COLEC10: variants seen among roughly 807,000 people sequenced by gnomAD.
The protein encoded by COLEC10 is collectin subfamily member 10, also known as collectin-10.
COLEC10 carries 22 observed loss-of-function variants against 28.4 expected under a neutral mutation model. That is an observed-to-expected ratio of 0.78 (90% CI 0.55 to 1.11). The LOEUF is 1.11. Ranked by LOEUF, COLEC10 falls within the 50% of genes least tolerant of loss-of-function variation. The pLI is 0.00. For missense variants in COLEC10, 361 were observed against 344.1 expected (o/e 1.05, Z -0.39); for synonymous variants, 125 against 116.1 (o/e 1.08, Z -0.49).
chr8:119,108,140 G>GAT lies in COLEC10; in HGVS notation c.*1951_*1952dup, dbSNP rs1250436520. On this transcript the variant is annotated 3_prime_UTR_variant, in exon 6 of 6. Coordinates refer to ENST00000332843, the MANE Select transcript of COLEC10 (RefSeq NM_006438.5). ...GTTACTAGTTAAACTCTTTTGAGAT[G>GAT]ATAGTACATGACACTTTAAAGGCAG... Among the ~76,000 whole-genome samples the GAT allele has an allele frequency of 1.3e-5, 2 of 152,090 alleles. No homozygotes were observed. Among genetic ancestry groups the GAT allele is most frequent in the Admixed American group, 1.3e-4 (2 of 15,262 alleles).
chr8:118,964,752 C>G, the COLEC10 span, among the ~76,000 whole-genome samples: 4 of 152,124 alleles, frequency 2.6e-5, no homozygotes, highest in African/African-American at 7.2e-5. Context: ...CAGGAGTGAA[C>G]AAAGTCAGCC....
chr8:119,014,171 C>T (rs1433297813), intron 2 of COLEC10, among the ~76,000 whole-genome samples: 1 of 150,346 alleles, frequency 6.7e-6, no homozygotes, highest in Admixed American at 6.6e-5. Flanking sequence ...TGATGCTATT[C>T]CTTTATGTAG....
chr8:119,087,154 A>C (rs1815495945), intron 1 of COLEC10, among the ~76,000 whole-genome samples: 2 of 152,206 alleles, frequency 1.3e-5, no homozygotes, highest in South Asian at 4.1e-4. Context: ...AGAATGTCTT[A>C]TGGTTCACAC....
the COLEC10 span, among the ~76,000 whole-genome samples, chr8:118,957,781 C>A: frequency 0.067 from 10,261 of 152,182 alleles, 389 homozygotes; most frequent in East Asian, 0.13. Flanking sequence ...ACCTCACATA[C>A]CCATAATCTC....
chr8:119,031,502 A>G (rs892118915), intron 2 of COLEC10, among the ~76,000 whole-genome samples: 26 of 152,240 alleles, frequency 1.7e-4, no homozygotes, highest in African/African-American at 6.0e-4. Context: ...TTGAAGAACA[A>G]GTAGAAGTTA....
chr8:119,065,197 A>G (rs2130207010), upstream of COLEC10, among the ~76,000 whole-genome samples: 1 of 152,256 alleles, frequency 6.6e-6, no homozygotes, highest in South Asian at 2.1e-4. Context: ...TGTTAGGAGC[A>G]CGGCTGTACA....
intron 2 of COLEC10, among the ~76,000 whole-genome samples, chr8:119,049,618 G>A (rs1025972197): frequency 1.3e-5 from 2 of 151,866 alleles, no homozygotes; most frequent in Admixed American, 1.3e-4. Flanking sequence ...GTTTCACCGT[G>A]TTAGCCAGGA....
chr8:119,107,387 C>A lies in COLEC10; in HGVS notation c.*1196C>A, dbSNP rs1815968937. ...TTGAACTGTAGATCAAACCTCAAAGCAGCTTTCACTTGGAATTTAAAAATA... is the reference window on the plus strand; with the variant it reads ...TTGAACTGTAGATCAAACCTCAAAGAAGCTTTCACTTGGAATTTAAAAATA... On this transcript the variant is annotated 3_prime_UTR_variant, in exon 6 of 6. Transcript: ENST00000332843. 6.6e-6 allele frequency among the ~76,000 whole-genome samples: 1 copy of A among 152,154 alleles called. No homozygotes were observed. Among genetic ancestry groups the A allele is most frequent in the South Asian group, 2.1e-4 (1 of 4,830 alleles).
At chr8:119,006,164 C>A (rs552499580) in intron 1 of COLEC10, among the ~76,000 whole-genome samples, 8 of 152,160 alleles carry the variant, frequency 5.3e-5, no homozygotes, top group African/African-American at 1.9e-4. Context: ...TTTATGCTCA[C>A]AGGGTCCAGG....
chr8:119,037,218 A>G (rs955895867), intron 2 of COLEC10, among the ~76,000 whole-genome samples: 1 of 152,198 alleles, frequency 6.6e-6, no homozygotes, highest in Non-Finnish European at 1.5e-5. Context: ...TTTTGATACT[A>G]TAATATTTTG....
intron 2 of COLEC10, among the ~76,000 whole-genome samples, chr8:119,043,587 A>G (rs1050026880): frequency 7.9e-5 from 12 of 152,224 alleles, no homozygotes; most frequent in Admixed American, 6.5e-4. Context: ...TTCAATATAC[A>G]TAAACAATTT....
At chr8:118,991,167 A>C (rs967616787), upstream of COLEC10, among the ~76,000 whole-genome samples, 1 of 152,162 alleles carries the variant, frequency 6.6e-6, no homozygotes, top group African/African-American at 2.4e-5. Context: ...CACATATATC[A>C]TTTATGATCT....
intron 2 of COLEC10, among the ~76,000 whole-genome samples, chr8:119,011,942 T>G (rs1011731644): frequency 6.6e-6 from 1 of 150,808 alleles, no homozygotes; most frequent in Non-Finnish European, 1.5e-5. Flanking sequence ...CAGTATGTCT[T>G]TTATTTTTTC....
intron 2 of COLEC10, among the ~76,000 whole-genome samples, chr8:119,037,182 T>C (rs1182387077): frequency 6.6e-6 from 1 of 152,170 alleles, no homozygotes; most frequent in Non-Finnish European, 1.5e-5. Flanking sequence ...TCTTCATACA[T>C]CTCTAAGATC....
chr8:119,067,268 G>T lies in COLEC10; in HGVS notation c.-14G>T. 2 of 1,612,382 alleles carry T rather than the reference G, an allele frequency of 1.2e-6. No individual in the cohort carries two copies. Among genetic ancestry groups the T allele is most frequent in the Non-Finnish European group, 1.7e-6 (2 of 1,179,308 alleles). On this transcript the variant is annotated 5_prime_UTR_variant, in exon 1 of 6. Coordinates refer to ENST00000332843, the MANE Select transcript of COLEC10 (RefSeq NM_006438.5). ...TGGCATTTCTGGGAGACCCTTTTCT[G>T]AGGAACCACAGCAATGAATGGCTTT...
At chr8:119,068,929 A>G (rs1441743302) in intron 1 of COLEC10, 1 of 151,770 alleles carries the variant, frequency 6.6e-6, no homozygotes, top group African/African-American at 2.4e-5. Flanking sequence ...TTTATTTTTA[A>G]TAAAATTTTA....
In COLEC10 at chr8:119,107,467, G is replaced by A. The variant is rs1270356410; in HGVS notation, c.*1276G>A. Among the ~76,000 whole-genome samples, 1 of 152,164 alleles carries A rather than the reference G, an allele frequency of 6.6e-6. No individual in the cohort carries two copies. Among genetic ancestry groups the A allele is most frequent in the African/African-American group, 2.4e-5 (1 of 41,438 alleles). On this transcript the variant is annotated 3_prime_UTR_variant, in exon 6 of 6. Transcript: ENST00000332843. ...CCTATAAACTTCTACTCCAGTTATG[G>A]TTTCTGACATATGATTAGACTGTTT...
intron 1 of COLEC10, among the ~76,000 whole-genome samples, chr8:119,005,254 T>C (rs1813774019): frequency 6.6e-6 from 1 of 152,140 alleles, no homozygotes; most frequent in African/African-American, 2.4e-5. Flanking sequence ...CCATGACATA[T>C]ACTCAACCTA....
At chr8:119,069,767 G>T (rs1815065671) in intron 1 of COLEC10, among the ~76,000 whole-genome samples, 1 of 149,340 alleles carries the variant, frequency 6.7e-6, no homozygotes, top group East Asian at 2.0e-4. Flanking sequence ...AAATTAAAAA[G>T]AATAGTATGA....
Sources: allele counts gnomAD v4.1 joint callset (sites outside exome capture counted in the v4.1 genomes callset), GRCh38; gene constraint gnomAD v4.1.1; transcripts MANE v1.5; gene names NCBI Gene and HGNC (gene_info 2026-07-23, HGNC 2026-07-21).